EXOSC7: variants seen among roughly 807,000 people sequenced by gnomAD.
EXOSC7 encodes exosome component 7.
A neutral mutation model predicts 34.3 loss-of-function variants in EXOSC7; 25 were observed. That is an observed-to-expected ratio of 0.73 (90% CI 0.53 to 1.02). The LOEUF (loss-of-function observed/expected upper bound fraction) is 1.02. Among genes scored for constraint, EXOSC7 ranks in the 50% least tolerant of loss-of-function variants. EXOSC7 has a pLI of 0.00. For synonymous variants in EXOSC7, 130 were observed against 143.0 expected (o/e 0.91, Z 0.65); for missense variants, 370 against 368.5 (o/e 1.00, Z -0.03).
chr3:44,979,724 G>A (rs1282783588), intron 1 of EXOSC7, among the ~76,000 whole-genome samples: 1 of 152,074 alleles, frequency 6.6e-6, no homozygotes, highest in Non-Finnish European at 1.5e-5. Flanking sequence ...GTTCAGTTCT[G>A]AACTCATGTT....
downstream of EXOSC7, among the ~76,000 whole-genome samples, chr3:45,012,016 C>A (rs1174226408): frequency 6.6e-6 from 1 of 152,238 alleles, no homozygotes; most frequent in Non-Finnish European, 1.5e-5. Context: ...AGGCAGCTTT[C>A]AAGATGTTGT....
At chr3:45,004,424 T>A (rs1706971483) in intron 5 of EXOSC7, 1 of 152,000 alleles carries the variant, frequency 6.6e-6, no homozygotes, top group African/African-American at 2.4e-5. Flanking sequence ...CCCAGCTAAT[T>A]TTTGTATTTT....
At chr3:44,985,721 G>A (rs2125963306) in intron 1 of EXOSC7, among the ~76,000 whole-genome samples, 1 of 152,246 alleles carries the variant, frequency 6.6e-6, no homozygotes, top group East Asian at 1.9e-4. Flanking sequence ...AGTGTGGAAG[G>A]GGACCCAAGC....
At chr3:45,001,116 C>A (rs1428758339) in intron 4 of EXOSC7, among the ~76,000 whole-genome samples, 1 of 152,016 alleles carries the variant, frequency 6.6e-6, no homozygotes, top group East Asian at 1.9e-4. Context: ...TCTTAGAAAT[C>A]AGTGTCCTTG....
intron 3 of EXOSC7, among the ~76,000 whole-genome samples, chr3:44,995,221 G>A (rs1706689479): frequency 6.6e-6 from 1 of 152,194 alleles, no homozygotes; most frequent in Non-Finnish European, 1.5e-5. Flanking sequence ...GACCTCAGGT[G>A]ATCCACCCGC....
At chr3:44,999,161 G>C (rs1437717929) in intron 4 of EXOSC7, among the ~76,000 whole-genome samples, 1 of 152,224 alleles carries the variant, frequency 6.6e-6, no homozygotes, top group Admixed American at 6.5e-5. Context: ...TGTTCTATTA[G>C]GGAAGGCTTT....
At chr3:44,994,178 G>T (rs1419120387) in intron 3 of EXOSC7, among the ~76,000 whole-genome samples, 1 of 150,646 alleles carries the variant, frequency 6.6e-6, no homozygotes, top group East Asian at 1.9e-4. Context: ...TCCTAGGGTT[G>T]TTGTGAACAT....
intron 1 of EXOSC7, among the ~76,000 whole-genome samples, chr3:44,976,909 C>T (rs1369943374): frequency 6.6e-6 from 1 of 152,198 alleles, no homozygotes; most frequent in Non-Finnish European, 1.5e-5. Flanking sequence ...AACCCCGTCT[C>T]TGCTAAAAAT....
intron 3 of EXOSC7, among the ~76,000 whole-genome samples, chr3:44,993,232 A>G (rs917877651): frequency 2.6e-5 from 4 of 152,084 alleles, no homozygotes; most frequent in South Asian, 2.1e-4. Context: ...TATACTTACT[A>G]TTGGTCTGGT....
chr3:44,998,679 C>G (rs1247728534), intron 4 of EXOSC7, among the ~76,000 whole-genome samples: 1 of 152,214 alleles, frequency 6.6e-6, no homozygotes, highest in Non-Finnish European at 1.5e-5. Flanking sequence ...CAAAAGGTAG[C>G]AGTGGTAACC....
intron 3 of EXOSC7, among the ~76,000 whole-genome samples, chr3:44,994,587 G>A (rs1056795265): frequency 1.3e-5 from 2 of 152,190 alleles, no homozygotes; most frequent in African/African-American, 4.8e-5. Flanking sequence ...TCCTTGGGCT[G>A]TGAGTGCCCA....
Position 45,006,541 on chromosome 3 carries a change from C to T in EXOSC7, c.616-879C>T, listed in dbSNP as rs575284038. Among the ~76,000 whole-genome samples, 223 of 150,516 alleles carry T rather than the reference C, an allele frequency of 1.5e-3. 1 individual carries two copies. The highest frequency in any genetic ancestry group is 6.9e-3 in the Middle Eastern group (2 of 288). On this transcript the variant is annotated intron_variant, in intron 6 of 7. Transcript: ENST00000265564. ...ACGCCATTCTCCTGCCTCAGCCTCCCGAGTAGCTGGGACTACAGGCGCCCG... is the reference window on the plus strand; with the variant it reads ...ACGCCATTCTCCTGCCTCAGCCTCCTGAGTAGCTGGGACTACAGGCGCCCG...
At chr3:44,998,031 G>GTTTTTTTT (rs200353427) in intron 4 of EXOSC7, among the ~76,000 whole-genome samples, 7 of 142,842 alleles carry the variant, frequency 4.9e-5, no homozygotes, top group Non-Finnish European at 9.2e-5. Context: ...ATTTTTTTTT[G>GTTTTTTTT]TTTTTTTGTT....
At chr3:44,989,108 G>A in intron 1 of EXOSC7, 32 bp from the exon 2 acceptor site, 3 of 1,465,662 alleles carry the variant, frequency 2.0e-6, no homozygotes, top group South Asian at 2.3e-5. Flanking sequence ...TTGATCTGGG[G>A]TGACTATAGG....
intron 5 of EXOSC7, among the ~76,000 whole-genome samples, chr3:45,002,487 C>CCACA (rs1706909154): frequency 6.6e-6 from 1 of 152,090 alleles, no homozygotes; most frequent in Non-Finnish European, 1.5e-5. Context: ...GGATTGAAGT[C>CCACA]CACACAGCAG....
At chr3:44,998,030 TG>T (rs1007282597) in intron 4 of EXOSC7, among the ~76,000 whole-genome samples, 1 of 150,004 alleles carries the variant, frequency 6.7e-6, no homozygotes, top group African/African-American at 2.5e-5. Flanking sequence ...AATTTTTTTT[TG>T]TTTTTTTGTT....
intron 7 of EXOSC7, among the ~76,000 whole-genome samples, chr3:45,008,481 A>G (rs1037009914): frequency 6.6e-6 from 1 of 152,230 alleles, no homozygotes; most frequent in Middle Eastern, 3.2e-3. Flanking sequence ...TGTATATAGC[A>G]TGGAGTTCCC....
At chr3:45,007,208 T>C (rs1341130338) in intron 6 of EXOSC7, among the ~76,000 whole-genome samples, 1 of 152,214 alleles carries the variant, frequency 6.6e-6, no homozygotes, top group Non-Finnish European at 1.5e-5. Context: ...TTTTTCCATA[T>C]CGTGTTTTTA....
At chr3:45,004,774 G>T (rs1706987145) in intron 5 of EXOSC7, 1 of 151,604 alleles carries the variant, frequency 6.6e-6, no homozygotes. Context: ...TGTTTAATAG[G>T]AATTCTTTAT....
Sources: allele counts gnomAD v4.1 joint callset (sites outside exome capture counted in the v4.1 genomes callset), GRCh38; gene constraint gnomAD v4.1.1; transcripts MANE v1.5; gene names NCBI Gene and HGNC (gene_info 2026-07-23, HGNC 2026-07-21).